Variants in FHIT observed in about 807,000 individuals in gnomAD.
The protein encoded by FHIT is fragile histidine triad diadenosine triphosphatase.
A neutral mutation model predicts 17.9 loss-of-function variants in FHIT; 19 were observed. The ratio of observed to expected loss-of-function variants is 1.06; its 90% CI spans 0.74 to 1.56. The LOEUF (loss-of-function observed/expected upper bound fraction) is 1.56. Among genes scored for constraint, FHIT ranks in the 40% most tolerant of loss-of-function variants. The pLI, the probability that FHIT is intolerant of heterozygous loss-of-function variation, is 0.00. For synonymous variants in FHIT, 81 were observed against 69.7 expected (o/e 1.16, Z -0.81); for missense variants, 248 against 189.2 (o/e 1.31, Z -1.82).
intron 2 of FHIT, among the ~76,000 whole-genome samples, chr3:61,100,573 C>T (rs1358682166): frequency 1.3e-5 from 2 of 152,106 alleles, no homozygotes; most frequent in Non-Finnish European, 2.9e-5. Context: ...TGGGTATATA[C>T]CCAGTAATGG....
At chr3:60,324,201 C>A (rs573090363) in intron 5 of FHIT, among the ~76,000 whole-genome samples, 1 of 152,052 alleles carries the variant, frequency 6.6e-6, no homozygotes, top group East Asian at 1.9e-4. Flanking sequence ...AGTAATGGGC[C>A]CCAAATCTCT....
At chr3:60,480,068 T>G (rs1187840890) in intron 5 of FHIT, among the ~76,000 whole-genome samples, 1 of 152,102 alleles carries the variant, frequency 6.6e-6, no homozygotes, top group Non-Finnish European at 1.5e-5. Flanking sequence ...GACTCACAGT[T>G]CCACATGGTT....
intron 4 of FHIT, among the ~76,000 whole-genome samples, chr3:60,734,987 C>T (rs1488538846): frequency 3.3e-5 from 5 of 152,170 alleles, no homozygotes; most frequent in Non-Finnish European, 5.9e-5. Flanking sequence ...CAATTAGGAA[C>T]AACTCAGACA....
At chr3:60,496,102 A>G (rs979588796) in intron 5 of FHIT, among the ~76,000 whole-genome samples, 6 of 152,160 alleles carry the variant, frequency 3.9e-5, no homozygotes, top group Non-Finnish European at 8.8e-5. Context: ...TTCTTAAGGT[A>G]CAGCCAAAAT....
At chr3:60,033,172 C>T (rs956767721) in intron 5 of FHIT, among the ~76,000 whole-genome samples, 3 of 152,114 alleles carry the variant, frequency 2.0e-5, no homozygotes, top group African/African-American at 7.2e-5. Flanking sequence ...AACTTGACTA[C>T]TGCATTAAGA....
At chr3:59,940,949 A>C (rs1343368673) in intron 7 of FHIT, among the ~76,000 whole-genome samples, 1 of 152,142 alleles carries the variant, frequency 6.6e-6, no homozygotes, top group Non-Finnish European at 1.5e-5. Context: ...GTCCTATCTC[A>C]AATTAAAATC....
In FHIT at chr3:60,352,930, G is replaced by A. The variant is rs537695977; in HGVS notation, c.103+183930C>T. Reference sequence around the variant, plus strand: ...AGTGGCCTCGCATTCTCAGTGTGGGGGATTCAGTCCTACATTTATACCTCC... The same window carrying A: ...AGTGGCCTCGCATTCTCAGTGTGGGAGATTCAGTCCTACATTTATACCTCC... On this transcript the variant is annotated intron_variant, in intron 5 of 9. Coordinates refer to ENST00000492590, the MANE Select transcript of FHIT (RefSeq NM_002012.4). 2.0e-5 allele frequency among the ~76,000 whole-genome samples: 3 copies of A among 152,164 alleles called. No homozygotes were observed. In the South Asian group the frequency reaches 6.2e-4, roughly 32 times the overall value.
intron 5 of FHIT, among the ~76,000 whole-genome samples, chr3:60,186,998 T>A (rs1399572203): frequency 6.6e-6 from 1 of 152,096 alleles, no homozygotes; most frequent in African/African-American, 2.4e-5. Context: ...GCCCGTAGAG[T>A]GTTGAGGCCT....
intron 3 of FHIT, among the ~76,000 whole-genome samples, chr3:60,941,187 G>A (rs1050798352): frequency 3.3e-5 from 5 of 152,080 alleles, no homozygotes; most frequent in African/African-American, 1.2e-4. Flanking sequence ...CACATTTCAA[G>A]TACTCAACAG....
At chr3:60,586,872 CA>C (rs1191140978) in intron 4 of FHIT, among the ~76,000 whole-genome samples, 10 of 150,764 alleles carry the variant, frequency 6.6e-5, no homozygotes, top group South Asian at 2.1e-4. Flanking sequence ...GAAAGAGGAG[CA>C]AAAAAAATAA....
chr3:60,448,682 T>C (rs1056286402), intron 5 of FHIT, among the ~76,000 whole-genome samples: 5 of 152,170 alleles, frequency 3.3e-5, no homozygotes, highest in African/African-American at 1.2e-4. Flanking sequence ...GCATTGATCA[T>C]TTTCCCTGCA....
intron 2 of FHIT, among the ~76,000 whole-genome samples, chr3:61,130,037 G>A (rs756873979): frequency 6.6e-6 from 1 of 152,108 alleles, no homozygotes; most frequent in Admixed American, 6.5e-5. Flanking sequence ...TACATTCTAG[G>A]CTGTGTGCTA....
chr3:61,126,148 T>C (rs1463165702), intron 2 of FHIT, among the ~76,000 whole-genome samples: 1 of 152,144 alleles, frequency 6.6e-6, no homozygotes, highest in Non-Finnish European at 1.5e-5. Context: ...GTCTGACAGC[T>C]ATATTTTCAC....
At chr3:60,155,823 C>G (rs780390177) in intron 5 of FHIT, among the ~76,000 whole-genome samples, 3 of 152,168 alleles carry the variant, frequency 2.0e-5, no homozygotes, top group Non-Finnish European at 2.9e-5. Context: ...GCCATCCACC[C>G]CACTCCAACC....
At chr3:60,372,721 C>G (rs1288088037) in intron 5 of FHIT, among the ~76,000 whole-genome samples, 1 of 152,192 alleles carries the variant, frequency 6.6e-6, no homozygotes. Flanking sequence ...CTTCCATTCT[C>G]AATTTGCTTT....
At chr3:61,032,238 C>G (rs1465288009) in intron 3 of FHIT, among the ~76,000 whole-genome samples, 1 of 152,130 alleles carries the variant, frequency 6.6e-6, no homozygotes, top group Non-Finnish European at 1.5e-5. Flanking sequence ...CCACATGAAA[C>G]TTAAAGTTTC....
intron 4 of FHIT, among the ~76,000 whole-genome samples, chr3:60,554,143 A>C (rs540875281): frequency 3.3e-5 from 5 of 152,088 alleles, no homozygotes; most frequent in Admixed American, 6.5e-5. Context: ...AATAAAAAGG[A>C]AACAGATTTC....
intron 7 of FHIT, among the ~76,000 whole-genome samples, chr3:59,965,783 T>C (rs1707898208): frequency 1.3e-5 from 2 of 152,202 alleles, no homozygotes; most frequent in South Asian, 4.1e-4. Flanking sequence ...AAACTAACTA[T>C]AAATATTTAA....
intron 2 of FHIT, among the ~76,000 whole-genome samples, chr3:61,100,405 G>A (rs1213381224): frequency 6.6e-6 from 1 of 152,068 alleles, no homozygotes; most frequent in Non-Finnish European, 1.5e-5. Context: ...CTTTTTTATG[G>A]CTGCATAGTA....
Sources: allele counts gnomAD v4.1 joint callset (sites outside exome capture counted in the v4.1 genomes callset), GRCh38; gene constraint gnomAD v4.1.1; transcripts MANE v1.5; gene names NCBI Gene and HGNC (gene_info 2026-07-23, HGNC 2026-07-21).